Variants in DOCK8 observed in about 807,000 individuals in gnomAD.
DOCK8 encodes the protein dedicator of cytokinesis 8, also known as dedicator of cytokinesis protein 8.
A neutral mutation model predicts 245.6 loss-of-function variants in DOCK8; 141 were observed. The ratio of observed to expected loss-of-function variants is 0.57; its 90% CI spans 0.50 to 0.66. The LOEUF is 0.66. DOCK8 is among the 30% of genes least tolerant of loss of function. The pLI is 0.00. For synonymous variants in DOCK8, 1,168 were observed against 970.2 expected, an observed-to-expected ratio of 1.20 and a Z score of -3.79; for missense variants, 2,965 against 2,603.4, an observed-to-expected ratio of 1.14 and a Z score of -3.02.
chr9:461,868 G>A (rs961615511), intron 46 of DOCK8, among the ~76,000 whole-genome samples: 4 of 151,690 alleles, frequency 2.6e-5, no homozygotes, highest in Non-Finnish European at 5.9e-5. Flanking sequence ...CTTTTTTCTA[G>A]AAGTTCTGTT....
At chr9:334,466 G>A in intron 11 of DOCK8, 82 bp downstream of exon 11, 12 of 1,492,506 alleles carry the variant, frequency 8.0e-6, no homozygotes, top group Admixed American at 2.0e-5. Context: ...CGGGGACTGG[G>A]GGCACAGTGA....
intron 1 of DOCK8, among the ~76,000 whole-genome samples, chr9:269,381 G>T (rs78956576): frequency 0.033 from 4,981 of 152,102 alleles, 259 homozygotes; most frequent in African/African-American, 0.11. Flanking sequence ...GGTGTATATA[G>T]GTACTCTTTT....
chr9:453,318 T>G (rs185323566), intron 46 of DOCK8, among the ~76,000 whole-genome samples: 2 of 152,372 alleles, frequency 1.3e-5, no homozygotes, highest in East Asian at 3.9e-4. Flanking sequence ...TTGAATTGTT[T>G]CCTGTATTTG....
At chr9:404,843 T>G in intron 26 of DOCK8, 75 bp from the exon 27 acceptor site, 1 of 1,528,674 alleles carries the variant, frequency 6.5e-7, no homozygotes, top group South Asian at 1.1e-5. Context: ...AGAAAGGATA[T>G]TTTTGTGTCT....
intron 2 of DOCK8, among the ~76,000 whole-genome samples, chr9:274,739 T>G (rs1353916469): frequency 6.6e-6 from 1 of 152,202 alleles, no homozygotes; most frequent in Non-Finnish European, 1.5e-5. Context: ...AAAGGAGTAG[T>G]TTATCATCTA....
At chr9:455,445 G>C (rs2057605055) in intron 46 of DOCK8, among the ~76,000 whole-genome samples, 1 of 152,250 alleles carries the variant, frequency 6.6e-6, no homozygotes, top group African/African-American at 2.4e-5. Flanking sequence ...AGGAGGTCAA[G>C]GCTGCAATGA....
At chr9:229,519 G>C (rs955372938) in intron 1 of DOCK8, among the ~76,000 whole-genome samples, 2 of 152,174 alleles carry the variant, frequency 1.3e-5, no homozygotes, top group African/African-American at 4.8e-5. Flanking sequence ...TAAAGCAGCG[G>C]TTTGAGAGTA....
rs1049530025 is a variant in DOCK8, at chr9:420,267, C to T, written c.3841-134C>T. 4.1e-6 allele frequency: 4 copies of T among 980,942 alleles called. No homozygotes were observed. In the Admixed American group the frequency reaches 7.8e-5, roughly 19 times the overall value. 60.8% of individuals were successfully genotyped at this position (980,942 alleles called of 1,614,324 possible). On this transcript the variant is annotated intron_variant, in intron 30 of 47. Transcript: ENST00000432829. Reference sequence around the variant, plus strand: ...AGGGCTACTGGCAATAGATCTCCAGCCTAGCAGTGATGTACAGTCATGGTA... The same window carrying T: ...AGGGCTACTGGCAATAGATCTCCAGTCTAGCAGTGATGTACAGTCATGGTA...
chr9:245,318 C>T (rs182874820), intron 1 of DOCK8, among the ~76,000 whole-genome samples: 4 of 152,270 alleles, frequency 2.6e-5, no homozygotes, highest in Admixed American at 2.0e-4. Flanking sequence ...GATTCTCCTA[C>T]CTCAGCCTCC....
At chr9:256,649 C>T (rs2047783710) in intron 1 of DOCK8, among the ~76,000 whole-genome samples, 1 of 152,092 alleles carries the variant, frequency 6.6e-6, no homozygotes, top group African/African-American at 2.4e-5. Flanking sequence ...TGGTCATCTC[C>T]TCCCCTCCTA....
chr9:352,311 T>C (rs1448413760), intron 14 of DOCK8, among the ~76,000 whole-genome samples: 1 of 152,184 alleles, frequency 6.6e-6, no homozygotes, highest in East Asian at 1.9e-4. Flanking sequence ...CTCACCGTGA[T>C]GCTCTTGGGG....
intron 4 of DOCK8, among the ~76,000 whole-genome samples, chr9:298,886 T>A (rs1315431396): frequency 2.0e-5 from 3 of 147,954 alleles, no homozygotes; most frequent in Non-Finnish European, 3.0e-5. Flanking sequence ...CCCTTTAAAA[T>A]GTACAAGTCC....
chr9:422,178 A>G, intron 33 of DOCK8, 43 bp downstream of exon 33: 1 of 1,550,236 alleles, frequency 6.5e-7, no homozygotes, highest in Non-Finnish European at 8.9e-7. Context: ...CCTAAAGTCC[A>G]AAACTATTTT....
chr9:304,455 G>T, intron 4 of DOCK8, 126 bp from the exon 5 acceptor site: 2 of 1,228,310 alleles, frequency 1.6e-6, no homozygotes, highest in Non-Finnish European at 2.3e-6. Context: ...AATTATAATT[G>T]GTTCCCTCTT....
intron 44 of DOCK8, among the ~76,000 whole-genome samples, chr9:449,573 C>T (rs2057366205): frequency 6.6e-6 from 1 of 152,086 alleles, no homozygotes; most frequent in Admixed American, 6.5e-5. Flanking sequence ...GGAATAAATG[C>T]TAAATGTATG....
intron 33 of DOCK8, among the ~76,000 whole-genome samples, chr9:422,528 G>A (rs1306747231): frequency 6.6e-6 from 1 of 152,186 alleles, no homozygotes; most frequent in Non-Finnish European, 1.5e-5. Flanking sequence ...ATATATTTAT[G>A]TCAGTGCTAC....
chr9:269,669 C>T (rs2048113633), intron 1 of DOCK8, among the ~76,000 whole-genome samples: 1 of 151,176 alleles, frequency 6.6e-6, no homozygotes, highest in Non-Finnish European at 1.5e-5. Flanking sequence ...AATTGTCATG[C>T]CTCAGCCTCC....
At chr9:374,217 C>T (rs529858385) in intron 18 of DOCK8, among the ~76,000 whole-genome samples, 14 of 152,066 alleles carry the variant, frequency 9.2e-5, no homozygotes, top group Non-Finnish European at 1.9e-4. Context: ...TCTTAGTATC[C>T]TTTAAACCTG....
At chr9:434,203 CATT>C (rs1486405459) in intron 38 of DOCK8, among the ~76,000 whole-genome samples, 2 of 152,050 alleles carry the variant, frequency 1.3e-5, no homozygotes, top group Non-Finnish European at 1.5e-5. Context: ...AATATAATAA[CATT>C]ATTAAATATA....
Sources: allele counts gnomAD v4.1 joint callset (sites outside exome capture counted in the v4.1 genomes callset), GRCh38; gene constraint gnomAD v4.1.1; transcripts MANE v1.5; gene names NCBI Gene and HGNC (gene_info 2026-07-23, HGNC 2026-07-21).